The following PRKCA variants were observed in gnomAD, a reference collection of about 807,000 sequenced individuals.
PRKCA encodes protein kinase C alpha.
In PRKCA, 27 loss-of-function variants were observed where a neutral mutation model predicts 87.0. That is an observed-to-expected ratio of 0.31 (90% CI 0.23 to 0.43). The LOEUF (loss-of-function observed/expected upper bound fraction) is 0.43. Ranked by LOEUF, PRKCA falls within the 20% of genes least tolerant of loss-of-function variation. The pLI, the probability that PRKCA is intolerant of heterozygous loss-of-function variation, is 1.00. For synonymous variants in PRKCA, 329 were observed against 311.1 expected (o/e 1.06, Z -0.61); for missense variants, 518 against 852.3 (o/e 0.61, Z 4.88).
At chr17:66,729,705 G>T (rs1973837740) in intron 8 of PRKCA, among the ~76,000 whole-genome samples, 1 of 151,508 alleles carries the variant, frequency 6.6e-6, no homozygotes, top group African/African-American at 2.4e-5. Context: ...AATGTCTCTG[G>T]TCAAATGGGG....
At chr17:66,688,579 G>A in intron 7 of PRKCA, 143 bp downstream of exon 7, 1 of 1,091,012 alleles carries the variant, frequency 9.2e-7, no homozygotes, top group Non-Finnish European at 1.3e-6. Context: ...GAGGCAGGTG[G>A]ATTGCTTGAG....
intron 3 of PRKCA, among the ~76,000 whole-genome samples, chr17:66,619,609 G>C (rs1264228685): frequency 6.6e-6 from 1 of 152,152 alleles, no homozygotes; most frequent in Non-Finnish European, 1.5e-5. Context: ...CTCCATCCAT[G>C]AACTAAAAGC....
intron 5 of PRKCA, among the ~76,000 whole-genome samples, chr17:66,657,775 T>G (rs1386005842): frequency 6.6e-6 from 1 of 152,156 alleles, no homozygotes; most frequent in Non-Finnish European, 1.5e-5. Context: ...GAAGTCTGTT[T>G]CAATCCCTCC....
chr17:66,680,377 T>A (rs1972457224), intron 5 of PRKCA, among the ~76,000 whole-genome samples: 1 of 152,228 alleles, frequency 6.6e-6, no homozygotes, highest in South Asian at 2.1e-4. Flanking sequence ...TGAACAATCC[T>A]GACTTTTGCA....
At chr17:66,446,396 A>G (rs1275559936) in intron 2 of PRKCA, among the ~76,000 whole-genome samples, 1 of 152,176 alleles carries the variant, frequency 6.6e-6, no homozygotes, top group Non-Finnish European at 1.5e-5. Flanking sequence ...TCCAGGATGG[A>G]AACAATTTTC....
chr17:66,449,735 G>A (rs2143914575), intron 2 of PRKCA, among the ~76,000 whole-genome samples: 1 of 152,286 alleles, frequency 6.6e-6, no homozygotes, highest in South Asian at 2.1e-4. Context: ...GGTTGTTGCT[G>A]TAATTGTTTT....
chr17:66,573,996 C>G (rs907062797), intron 3 of PRKCA, among the ~76,000 whole-genome samples: 1 of 151,914 alleles, frequency 6.6e-6, no homozygotes, highest in African/African-American at 2.4e-5. Flanking sequence ...TTATATGGCC[C>G]GAAGGGTATT....
chr17:66,397,832 A>G (rs1341801192), intron 2 of PRKCA, among the ~76,000 whole-genome samples: 2 of 152,128 alleles, frequency 1.3e-5, no homozygotes, highest in Non-Finnish European at 2.9e-5. Context: ...TGATGGCACC[A>G]CTGTCGTCCA....
intron 2 of PRKCA, among the ~76,000 whole-genome samples, chr17:66,409,008 C>T (rs1056307941): frequency 3.1e-5 from 4 of 128,878 alleles, no homozygotes; most frequent in South Asian, 2.5e-4. Flanking sequence ...GCTGAGATCA[C>T]GTCATCGCAC....
chr17:66,578,135 T>TAAAAA (rs1491585607), intron 3 of PRKCA, among the ~76,000 whole-genome samples: 2 of 140,408 alleles, frequency 1.4e-5, no homozygotes, highest in African/African-American at 5.5e-5. Context: ...AGACTGAATT[T>TAAAAA]AAAACAAAAC....
At chr17:66,657,187 A>T (rs1034580395) in intron 5 of PRKCA, among the ~76,000 whole-genome samples, 27 of 152,208 alleles carry the variant, frequency 1.8e-4, no homozygotes, top group African/African-American at 5.5e-4. Context: ...GAGCATCCCC[A>T]TGAGGGACTT....
intron 2 of PRKCA, among the ~76,000 whole-genome samples, chr17:66,350,066 G>A (rs896692650): frequency 6.6e-6 from 1 of 152,146 alleles, no homozygotes; most frequent in Non-Finnish European, 1.5e-5. Flanking sequence ...ACTAAAGCTC[G>A]GGCTAGTGTC....
At chr17:66,796,573 G>C (rs1975674857) in intron 16 of PRKCA, 1 of 985,224 alleles carries the variant, frequency 1.0e-6, no homozygotes, top group Non-Finnish European at 1.2e-6. Flanking sequence ...GTGTGCCCCT[G>C]CTTGTGTTGG....
intron 2 of PRKCA, among the ~76,000 whole-genome samples, chr17:66,400,261 C>T (rs1389072100): frequency 1.3e-5 from 2 of 152,314 alleles, no homozygotes; most frequent in Middle Eastern, 3.4e-3. Flanking sequence ...AGGCAATTCT[C>T]GTGCCTTAGC....
At chr17:66,501,958 T>G (rs190959359) in intron 3 of PRKCA, among the ~76,000 whole-genome samples, 54 of 152,304 alleles carry the variant, frequency 3.5e-4, no homozygotes, top group African/African-American at 1.3e-3. Context: ...TGGGGCAGAT[T>G]CAGGAAGGGC....
At chr17:66,788,168 C>T (rs1045308601) in intron 15 of PRKCA, among the ~76,000 whole-genome samples, 2 of 152,162 alleles carry the variant, frequency 1.3e-5, no homozygotes, top group African/African-American at 4.8e-5. Flanking sequence ...ACAATATACC[C>T]TTAACAGTAT....
rs1393228725 is a variant in PRKCA, at chr17:66,781,892, G to A, written c.1606-4975G>A. Among the ~76,000 whole-genome samples the A allele has an allele frequency of 3.2e-3, 412 of 127,858 alleles. 4 individuals carry two copies. The East Asian group carries it at 0.035, about 11-fold the overall frequency. 83.9% of individuals were successfully genotyped at this position (127,858 alleles called of 152,430 possible). A position where few individuals can be genotyped will look rare whatever the true frequency, so the allele number is the denominator to read the frequency against. On this transcript the variant is annotated intron_variant, in intron 14 of 16. Coordinates refer to ENST00000413366, the MANE Select transcript of PRKCA (RefSeq NM_002737.3). ...AGATATATATATATATATATAGTGT[G>A]TGTGTGTGTGTGTGTGTGTGTGTGT...
chr17:66,525,386 T>C (rs1175567153), intron 3 of PRKCA, among the ~76,000 whole-genome samples: 1 of 152,328 alleles, frequency 6.6e-6, no homozygotes, highest in Admixed American at 6.5e-5. Flanking sequence ...TTCCTATTTG[T>C]CATGAATGAA....
chr17:66,450,021 G>GTT (rs549989665), intron 2 of PRKCA, among the ~76,000 whole-genome samples: 11 of 147,564 alleles, frequency 7.5e-5, no homozygotes, highest in African/African-American at 2.7e-4. Flanking sequence ...TTTTGTTTTT[G>GTT]TTTTTTTTTT....
Sources: gnomAD v4.1 joint callset for allele counts (sites outside exome capture counted in the v4.1 genomes callset) on GRCh38, gnomAD v4.1.1 for gene constraint, MANE v1.5 for transcripts, NCBI Gene and HGNC (gene_info 2026-07-23, HGNC 2026-07-21) for gene names.